Variants in TENM4 observed in about 807,000 individuals in gnomAD.
TENM4 encodes the protein teneurin-4.
In TENM4, 82 loss-of-function variants were observed where a neutral mutation model predicts 243.3. That is an observed-to-expected ratio of 0.34 (90% CI 0.28 to 0.40). The LOEUF is 0.40. Ranked by LOEUF, TENM4 falls within the 10% of genes least tolerant of loss-of-function variation. The pLI is 1.00. For missense variants in TENM4, 3,138 were observed against 3,673.3 expected (o/e 0.85, Z 3.77); for synonymous variants, 1,412 against 1,456.3 (o/e 0.97, Z 0.69).
At chr11:79,060,884 G>A (rs1431608706) in intron 6 of TENM4, among the ~76,000 whole-genome samples, 4 of 152,312 alleles carry the variant, frequency 2.6e-5, no homozygotes, top group Admixed American at 2.6e-4. Context: ...TGTGTTCACT[G>A]ACAGGTCCAG....
chr11:79,046,645 C>T (rs1333437389), intron 6 of TENM4, among the ~76,000 whole-genome samples: 1 of 152,098 alleles, frequency 6.6e-6, no homozygotes, highest in Non-Finnish European at 1.5e-5. Flanking sequence ...GAGAATGAAA[C>T]CGTGTCACAA....
At chr11:79,069,503 G>T (rs1251181136) in intron 5 of TENM4, among the ~76,000 whole-genome samples, 1 of 152,144 alleles carries the variant, frequency 6.6e-6, no homozygotes, top group Non-Finnish European at 1.5e-5. Flanking sequence ...CAGGGAAGTG[G>T]GTGAGCGAGA....
chr11:78,969,280 G>A (rs1185331176), intron 6 of TENM4, among the ~76,000 whole-genome samples: 1 of 152,212 alleles, frequency 6.6e-6, no homozygotes, highest in Non-Finnish European at 1.5e-5. Context: ...CAATGTGTTA[G>A]GGAAACTGTC....
At chr11:78,926,971 G>C (rs1028286036) in intron 6 of TENM4, among the ~76,000 whole-genome samples, 4 of 152,256 alleles carry the variant, frequency 2.6e-5, no homozygotes, top group African/African-American at 9.6e-5. Context: ...TTTGTTGCTT[G>C]TTATAAAGCA....
chr11:78,778,708 T>C, intron 16 of TENM4, 80 bp from the exon 17 acceptor site: 3 of 1,344,062 alleles, frequency 2.2e-6, no homozygotes, highest in Middle Eastern at 1.8e-4. Flanking sequence ...TGCCAGATGC[T>C]ACACAGACAA....
chr11:79,427,610 G>T (rs1053016805), intron 1 of TENM4, among the ~76,000 whole-genome samples: 1 of 152,184 alleles, frequency 6.6e-6, no homozygotes, highest in African/African-American at 2.4e-5. Flanking sequence ...CCTCTCCATG[G>T]CAAGATTATG....
intron 3 of TENM4, among the ~76,000 whole-genome samples, chr11:79,213,155 G>A (rs1209642253): frequency 6.6e-6 from 1 of 152,166 alleles, no homozygotes; most frequent in Non-Finnish European, 1.5e-5. Context: ...GGTGGGAGGA[G>A]AAAGGCAGTG....
At chr11:78,736,477 T>TGTGTGTGTGTGTGTGC (rs1328804792) in intron 20 of TENM4, among the ~76,000 whole-genome samples, 7 of 102,130 alleles carry the variant, frequency 6.9e-5, no homozygotes, top group African/African-American at 2.3e-4. Flanking sequence ...TGTGTGTGTG[T>TGTGTGTGTGTGTGTGC]GTGCGCGCGC....
chr11:79,125,855 C>T (rs538446889), intron 4 of TENM4, among the ~76,000 whole-genome samples: 17 of 152,214 alleles, frequency 1.1e-4, no homozygotes, highest in African/African-American at 2.6e-4. Context: ...AAAGTCCCAG[C>T]GAGCCCCTAG....
chr11:78,767,906 T>C (rs1856570052), intron 18 of TENM4, among the ~76,000 whole-genome samples: 1 of 152,244 alleles, frequency 6.6e-6, no homozygotes, highest in Non-Finnish European at 1.5e-5. Context: ...TGGGCCATGT[T>C]CACTGGTCTT....
rs1213031282 is a variant in TENM4, at chr11:79,075,329, A to G, written c.-65-5320T>C. The stretch of plus-strand genomic sequence containing the variant: ...GCAAACCTTCTTTCCAGAACCCTCT[A>G]TCCTGACAGTGATAGAATGAGCTCC... On this transcript the variant is annotated intron_variant, in intron 4 of 33. Coordinates refer to ENST00000278550, the MANE Select transcript of TENM4 (RefSeq NM_001098816.3). Among the ~76,000 whole-genome samples, 3 of 152,214 alleles carry G rather than the reference A, an allele frequency of 2.0e-5. No individual in the cohort carries two copies. The East Asian group carries it at 5.8e-4, about 29-fold the overall frequency.
intron 4 of TENM4, among the ~76,000 whole-genome samples, chr11:79,123,527 A>G (rs1406081386): frequency 3.3e-5 from 5 of 152,000 alleles, no homozygotes; most frequent in Non-Finnish European, 7.4e-5. Context: ...ACACCCTGCT[A>G]TATGCATCCT....
chr11:78,752,191 C>A (rs1418286920), intron 19 of TENM4, among the ~76,000 whole-genome samples: 2 of 152,218 alleles, frequency 1.3e-5, no homozygotes, highest in African/African-American at 4.8e-5. Flanking sequence ...CTGGACCCAG[C>A]ACTGTGCGGG....
chr11:78,916,787 T>C (rs1856326502), intron 6 of TENM4, among the ~76,000 whole-genome samples: 1 of 152,148 alleles, frequency 6.6e-6, no homozygotes, highest in Non-Finnish European at 1.5e-5. Context: ...TGATGGGATA[T>C]TTCAGGCCCT....
At chr11:79,346,743 A>G (rs565614843) in intron 1 of TENM4, among the ~76,000 whole-genome samples, 64 of 152,250 alleles carry the variant, frequency 4.2e-4, no homozygotes, top group African/African-American at 1.5e-3. Flanking sequence ...AAAGCCACTT[A>G]AGCCCTGACA....
At chr11:79,281,539 C>T (rs988324558) in intron 2 of TENM4, among the ~76,000 whole-genome samples, 2 of 152,026 alleles carry the variant, frequency 1.3e-5, no homozygotes, top group Non-Finnish European at 2.9e-5. Flanking sequence ...GTTATCTGCC[C>T]CAGCTTGGAA....
chr11:78,827,681 G>T (rs1857888432), intron 12 of TENM4, among the ~76,000 whole-genome samples: 1 of 151,970 alleles, frequency 6.6e-6, no homozygotes, highest in Non-Finnish European at 1.5e-5. Context: ...TAGAGATGGG[G>T]TTTTTCCATG....
intron 1 of TENM4, among the ~76,000 whole-genome samples, chr11:79,351,784 A>T (rs2135478844): frequency 6.6e-6 from 1 of 152,310 alleles, no homozygotes; most frequent in East Asian, 1.9e-4. Flanking sequence ...CATCTTCTCC[A>T]TCCCAAACTT....
intron 4 of TENM4, among the ~76,000 whole-genome samples, chr11:79,127,764 C>T (rs1372147861): frequency 6.6e-6 from 1 of 152,202 alleles, no homozygotes; most frequent in Non-Finnish European, 1.5e-5. Context: ...ATTGGTGAGA[C>T]ATTTGCATGC....
Sources: gnomAD v4.1 joint callset for allele counts (sites outside exome capture counted in the v4.1 genomes callset) on GRCh38, gnomAD v4.1.1 for gene constraint, MANE v1.5 for transcripts, NCBI Gene and HGNC (gene_info 2026-07-23, HGNC 2026-07-21) for gene names.